Variants in RCSD1 observed in about 807,000 individuals in gnomAD.
RCSD1 encodes the protein RCSD domain containing 1.
RCSD1 carries 26 observed loss-of-function variants against 42.5 expected under a neutral mutation model. The ratio of observed to expected loss-of-function variants is 0.61; its 90% CI spans 0.45 to 0.85. The LOEUF is 0.85. Ranked by LOEUF, RCSD1 falls within the 40% of genes least tolerant of loss-of-function variation. The pLI is 0.00. For synonymous variants in RCSD1, 220 were observed against 212.2 expected (o/e 1.04, Z -0.32); for missense variants, 571 against 528.3 (o/e 1.08, Z -0.79).
At position 167,706,382 on chromosome 1, in the gene RCSD1, TTA is replaced by T. The variant is rs1186232388; in HGVS notation, c.*1692_*1693del. Reference sequence around the variant, plus strand: ...ACCCCTAAACAATACTTGGTTTTATTTATATATGTCTTTGGGTTGTTTATACA... The same window carrying T: ...ACCCCTAAACAATACTTGGTTTTATTTATATGTCTTTGGGTTGTTTATACA... On this transcript the variant is annotated 3_prime_UTR_variant, in exon 7 of 7. Transcript: ENST00000367854. 3.9e-5 allele frequency: 6 copies of T among 152,156 alleles called. No homozygotes were observed. Among genetic ancestry groups the T allele is most frequent in the Admixed American group, 2.6e-4 (4 of 15,264 alleles). 9.4% of individuals were successfully genotyped at this position (152,156 alleles called of 1,614,324 possible).
intron 1 of RCSD1, among the ~76,000 whole-genome samples, chr1:167,661,569 G>A (rs1327591992): frequency 1.3e-5 from 2 of 152,224 alleles, no homozygotes; most frequent in Non-Finnish European, 2.9e-5. Flanking sequence ...TAAGAGTGGA[G>A]CCACCTCTCC....
intron 1 of RCSD1, among the ~76,000 whole-genome samples, chr1:167,665,257 C>T (rs189395412): frequency 6.6e-6 from 1 of 152,150 alleles, no homozygotes; most frequent in Non-Finnish European, 1.5e-5. Flanking sequence ...TAACACAATG[C>T]TTTTCAGATT....
chr1:167,650,037 A>G (rs937678204), intron 1 of RCSD1, among the ~76,000 whole-genome samples: 1 of 152,198 alleles, frequency 6.6e-6, no homozygotes, highest in African/African-American at 2.4e-5. Context: ...AAGGCTCTGG[A>G]CCAAATCCCA....
At chr1:167,675,782 T>C (rs1209989678) in intron 1 of RCSD1, among the ~76,000 whole-genome samples, 1 of 152,190 alleles carries the variant, frequency 6.6e-6, no homozygotes, top group East Asian at 1.9e-4. Flanking sequence ...GCTCTTGCCT[T>C]AGTAATAAAA....
chr1:167,693,566 G>C (rs1659427554), intron 4 of RCSD1, among the ~76,000 whole-genome samples: 1 of 152,210 alleles, frequency 6.6e-6, no homozygotes, highest in Admixed American at 6.5e-5. Flanking sequence ...TGGAGGCTGA[G>C]GGAGAATCAG....
chr1:167,696,492 C>G (rs191376147), intron 5 of RCSD1, among the ~76,000 whole-genome samples: 1 of 151,306 alleles, frequency 6.6e-6, no homozygotes, highest in African/African-American at 2.4e-5. Flanking sequence ...TTCTGTGCTG[C>G]CCAGGCTGAA....
chr1:167,658,271 T>C (rs1658465333), intron 1 of RCSD1, among the ~76,000 whole-genome samples: 1 of 152,226 alleles, frequency 6.6e-6, no homozygotes, highest in Non-Finnish European at 1.5e-5. Flanking sequence ...AAATTACATA[T>C]ACATTGTGAG....
At chr1:167,637,249 A>G (rs1657883586) in intron 1 of RCSD1, among the ~76,000 whole-genome samples, 1 of 152,196 alleles carries the variant, frequency 6.6e-6, no homozygotes, top group Non-Finnish European at 1.5e-5. Flanking sequence ...GGGAAATAAT[A>G]AGTAGTTCAT....
chr1:167,632,365 G>A (rs1265527827), intron 1 of RCSD1, among the ~76,000 whole-genome samples: 2 of 152,204 alleles, frequency 1.3e-5, no homozygotes, highest in African/African-American at 2.4e-5. Context: ...GCAGGTTGCT[G>A]CTGGAGGGCC....
chr1:167,670,197 CAGTAGAG>C lies in RCSD1; in HGVS notation c.7-13699_7-13693del, dbSNP rs140729314. On this transcript the variant is annotated intron_variant, in intron 1 of 6. Coordinates refer to ENST00000367854, the MANE Select transcript of RCSD1 (RefSeq NM_052862.4). ...TCAATTTTATTATTGAACTAACCAA[CAGTAGAG>C]AGTCAGAGTAGTGCATAACAGGGAG... Among the ~76,000 whole-genome samples, 435 of 152,280 alleles carry C rather than the reference CAGTAGAG, an allele frequency of 2.9e-3. 1 individual carries two copies. Among genetic ancestry groups the C allele is most frequent in the Non-Finnish European group, 3.4e-3 (228 of 68,018 alleles).
chr1:167,700,217 G>GA (rs1659604804), intron 6 of RCSD1, among the ~76,000 whole-genome samples: 2 of 152,162 alleles, frequency 1.3e-5, no homozygotes, highest in Non-Finnish European at 2.9e-5. Flanking sequence ...GTGTTTAGGG[G>GA]ATCTCCTGGG....
intron 1 of RCSD1, among the ~76,000 whole-genome samples, chr1:167,682,371 G>A (rs766766689): frequency 6.6e-6 from 1 of 152,094 alleles, no homozygotes; most frequent in African/African-American, 2.4e-5. Context: ...GTTTCACCAC[G>A]TTGGCTAGAC....
At chr1:167,689,836 T>A (rs1659332730) in intron 3 of RCSD1, among the ~76,000 whole-genome samples, 1 of 152,312 alleles carries the variant, frequency 6.6e-6, no homozygotes, top group Middle Eastern at 3.4e-3. Context: ...ACTTCTCTAA[T>A]TCTGATTTGA....
At chr1:167,658,287 G>A (rs887742884) in intron 1 of RCSD1, among the ~76,000 whole-genome samples, 14 of 152,288 alleles carry the variant, frequency 9.2e-5, no homozygotes, top group African/African-American at 2.6e-4. Context: ...GTGAGCATAT[G>A]TGTACATAGA....
rs750935521 is a variant in RCSD1 at position 167,697,420 on chromosome 1, C to G, written c.796C>G (p.Arg266Gly). 1.9e-6 allele frequency: 3 copies of G among 1,612,724 alleles called. No individual in the cohort carries two copies. The Admixed American group carries it at 5.0e-5, about 27-fold the overall frequency. Residue 266 changes from arginine (R) to glycine (G), a missense_variant, in exon 6 of 7, where the codon CGG becomes GGG. Arg to Gly is a moderately radical substitution (Grantham distance 125). Coordinates refer to ENST00000367854, the MANE Select transcript of RCSD1 (RefSeq NM_052862.4). The stretch of plus-strand genomic sequence containing the variant: ...AGCCAAGAACGGTGAAAAGGCCAGG[C>G]GGAGTTCAGAGGAGGTGGACGGCCA... ...EEAKNGEKAR[R>G]SSEEVDGQHP...
chr1:167,631,982 T>G (rs1348733357), intron 1 of RCSD1, among the ~76,000 whole-genome samples: 1 of 152,254 alleles, frequency 6.6e-6, no homozygotes, highest in African/African-American at 2.4e-5. Flanking sequence ...GAGTCTAATA[T>G]GGACCCTCCA....
intron 5 of RCSD1, among the ~76,000 whole-genome samples, chr1:167,694,907 G>C (rs915061192): frequency 6.6e-6 from 1 of 152,178 alleles, no homozygotes; most frequent in African/African-American, 2.4e-5. Context: ...CTGGGAGGAG[G>C]TAAGGATCAG....
chr1:167,635,070 G>A (rs1657804537), intron 1 of RCSD1, among the ~76,000 whole-genome samples: 1 of 152,012 alleles, frequency 6.6e-6, no homozygotes, highest in Non-Finnish European at 1.5e-5. Flanking sequence ...TTAAAATTAT[G>A]GGACTAGGAG....
intron 1 of RCSD1, among the ~76,000 whole-genome samples, chr1:167,665,608 G>A (rs1010925520): frequency 1.7e-4 from 26 of 152,226 alleles, no homozygotes; most frequent in African/African-American, 6.3e-4. Flanking sequence ...CAGTTGTTCT[G>A]CAGCTTCACC....
Sources: allele counts gnomAD v4.1 joint callset (sites outside exome capture counted in the v4.1 genomes callset), GRCh38; gene constraint gnomAD v4.1.1; transcripts MANE v1.5; gene names NCBI Gene and HGNC (gene_info 2026-07-23, HGNC 2026-07-21).